DST: variants seen among roughly 807,000 people sequenced by gnomAD.
DST encodes the protein dystonin.
A neutral mutation model predicts 875.2 loss-of-function variants in DST; 253 were observed. The observed-to-expected ratio is 0.29, with a 90% CI of 0.26 to 0.32. The LOEUF is 0.32. DST is among the 10% of genes least tolerant of loss of function. The pLI, the probability that DST is intolerant of heterozygous loss-of-function variation, is 1.00. For missense variants in DST, 8,287 were observed against 9,111.6 expected (o/e 0.91, Z 3.68); for synonymous variants, 3,124 against 3,197.1 (o/e 0.98, Z 0.77).
At chr6:56,669,358 G>T (rs1041897827) in intron 10 of DST, among the ~76,000 whole-genome samples, 3 of 150,858 alleles carry the variant, frequency 2.0e-5, no homozygotes, top group Admixed American at 1.3e-4. Flanking sequence ...CACTTTGGGA[G>T]GCCAAGGTGA....
intron 4 of DST, among the ~76,000 whole-genome samples, chr6:56,759,005 G>T (rs531988896): frequency 1.1e-4 from 16 of 152,144 alleles, no homozygotes; most frequent in Non-Finnish European, 1.5e-5. Flanking sequence ...TACCAGCCCT[G>T]GCTGACCTCA....
At chr6:56,530,274 T>A in intron 64 of DST, 141 bp from the exon 65 acceptor site, 1 of 592,206 alleles carries the variant, frequency 1.7e-6, no homozygotes, top group Non-Finnish European at 2.6e-6. Context: ...TCTTAACATT[T>A]AAAGAACATA....
At chr6:56,502,298 T>C (rs560325743) in intron 78 of DST, among the ~76,000 whole-genome samples, 6 of 152,272 alleles carry the variant, frequency 3.9e-5, no homozygotes, top group South Asian at 2.1e-4. Context: ...TTGCTTGTAA[T>C]AGGTAACTGT....
intron 3 of DST, among the ~76,000 whole-genome samples, chr6:56,880,837 CTTTTTTTT>C (rs765843469): frequency 6.9e-5 from 4 of 58,064 alleles, no homozygotes; most frequent in Admixed American, 3.1e-4. Context: ...TACTGTCTTT[CTTTTTTTT>C]TTTTTTTTTT....
At chr6:56,497,026 A>AG (rs1455242972) in intron 82 of DST, among the ~76,000 whole-genome samples, 1 of 151,516 alleles carries the variant, frequency 6.6e-6, no homozygotes, top group Non-Finnish European at 1.5e-5. Flanking sequence ...GGGTCAGGGG[A>AG]GGGGGGACAG....
At chr6:56,664,159 A>C (rs76164983) in intron 10 of DST, among the ~76,000 whole-genome samples, 1,824 of 152,266 alleles carry the variant, frequency 0.012, 14 homozygotes, top group Non-Finnish European at 0.02. Flanking sequence ...CCTCCTGCAC[A>C]TTCTGCACTG....
chr6:56,778,219 C>G (rs375147155), intron 4 of DST, among the ~76,000 whole-genome samples: 10 of 151,972 alleles, frequency 6.6e-5, no homozygotes, highest in Admixed American at 3.3e-4. Context: ...TCTCCCTAAG[C>G]AACACCATGA....
chr6:56,511,551 T>C (rs1161915170), intron 72 of DST, among the ~76,000 whole-genome samples, 151 bp from the exon 73 acceptor site: 2 of 152,124 alleles, frequency 1.3e-5, no homozygotes, highest in Admixed American at 1.3e-4. Flanking sequence ...ATACAGCTCT[T>C]TGCCAGGAAG....
At chr6:56,712,902 C>G (rs1483714253) in intron 5 of DST, among the ~76,000 whole-genome samples, 1 of 152,108 alleles carries the variant, frequency 6.6e-6, no homozygotes, top group East Asian at 1.9e-4. Context: ...TAACGTTATA[C>G]CAAATTCATA....
intron 40 of DST, 21 bp downstream of exon 40, chr6:56,603,815 TA>T: frequency 3.8e-6 from 6 of 1,597,288 alleles, no homozygotes; most frequent in Non-Finnish European, 5.1e-6. Flanking sequence ...TTTTTCTGTA[TA>T]AAATGTATAG....
intron 88 of DST, chr6:56,484,840 G>A (rs1485171608): frequency 6.5e-6 from 1 of 154,164 alleles, no homozygotes; most frequent in East Asian, 1.9e-4. Context: ...ATAATTCAAG[G>A]GGCAAGGTTA....
intron 2 of DST, among the ~76,000 whole-genome samples, chr6:56,920,177 T>A (rs1803359634): frequency 1.3e-5 from 2 of 152,142 alleles, no homozygotes; most frequent in Admixed American, 1.3e-4. Flanking sequence ...TAAGATCCAG[T>A]AACCAAGGGA....
At chr6:56,658,946 G>A (rs1031400869) in intron 10 of DST, among the ~76,000 whole-genome samples, 1 of 152,180 alleles carries the variant, frequency 6.6e-6, no homozygotes, top group Non-Finnish European at 1.5e-5. Context: ...AGGGGAACAT[G>A]GTAAGACATG....
chr6:56,801,064 CAT>C (rs952712981), intron 4 of DST, among the ~76,000 whole-genome samples: 4 of 150,004 alleles, frequency 2.7e-5, no homozygotes, highest in South Asian at 2.1e-4. Flanking sequence ...TCTACTCACA[CAT>C]GTGCAAAATT....
chr6:56,786,026 C>T (rs1476912306), intron 4 of DST: 2 of 152,320 alleles, frequency 1.3e-5, no homozygotes, highest in Admixed American at 1.3e-4. Flanking sequence ...TTATAGTTAA[C>T]TCTCTGAGGG....
At chr6:56,493,430 T>C (rs2095812953) in intron 83 of DST, among the ~76,000 whole-genome samples, 1 of 152,146 alleles carries the variant, frequency 6.6e-6, no homozygotes, top group Non-Finnish European at 1.5e-5. Flanking sequence ...ACTCAAAATA[T>C]TATGAAATAC....
chr6:56,562,834 C>T (rs1281921779), intron 55 of DST, among the ~76,000 whole-genome samples: 1 of 151,466 alleles, frequency 6.6e-6, no homozygotes, highest in East Asian at 1.9e-4. Context: ...TGAGAACATG[C>T]GGTGTTTGGT....
intron 71 of DST, among the ~76,000 whole-genome samples, 160 bp from the exon 72 acceptor site, chr6:56,515,828 T>A (rs1323961350): frequency 6.6e-6 from 1 of 152,134 alleles, no homozygotes. Context: ...TAATGGTTTA[T>A]ACGTACAAAA....
chr6:56,476,196 T>C lies in DST; in HGVS notation c.21817A>G (p.Ile7273Val). ...TTLTDKDKEV[I>V]PQEIEEVKAL... Reference sequence around the variant, plus strand: ...TTCACCTCTTCGATCTCCTGGGGGATGACTTCTTTATCCTTATCAGTAAGT... The same window carrying C: ...TTCACCTCTTCGATCTCCTGGGGGACGACTTCTTTATCCTTATCAGTAAGT... Residue 7273 changes from isoleucine to valine, a missense_variant, in exon 92 of 104, where the codon ATC becomes GTC. Ile to Val is a conservative substitution (Grantham distance 29). Around this residue, in one of 10 missense-constraint regions of DST, gnomAD observed 1,292 missense variants for 1,552.7 expected, o/e 0.83. Coordinates refer to ENST00000680361, the MANE Select transcript of DST (RefSeq NM_001374736.1). The C allele has an allele frequency of 6.2e-7, 1 of 1,613,148 alleles. No individual in the cohort carries two copies. The highest frequency in any genetic ancestry group is 8.5e-7 in the Non-Finnish European group (1 of 1,179,530).
Sources: gnomAD v4.1 joint callset for allele counts (sites outside exome capture counted in the v4.1 genomes callset) on GRCh38, gnomAD v4.1.1 for gene constraint, gnomAD v4.1.1 regional missense constraint, MANE v1.5 for transcripts, NCBI Gene and HGNC (gene_info 2026-07-23, HGNC 2026-07-21) for gene names.